Variants in LINGO2 observed in about 807,000 individuals in gnomAD.
The protein encoded by LINGO2 is leucine-rich repeat and immunoglobulin-like domain-containing nogo receptor-interacting protein 2.
Under a neutral mutation model 30.6 loss-of-function variants are expected in LINGO2, and 14 were observed. The observed-to-expected ratio is 0.46, with a 90% CI of 0.30 to 0.72. The LOEUF (loss-of-function observed/expected upper bound fraction) is 0.72. Ranked by LOEUF, LINGO2 falls within the 30% of genes least tolerant of loss-of-function variation. LINGO2 has a pLI of 0.07. For missense variants in LINGO2, 729 were observed against 751.7 expected (o/e 0.97, Z 0.35); for synonymous variants, 317 against 288.5 (o/e 1.10, Z -1.00).
chr9:28,184,673 G>A (rs1819479627), intron 4 of LINGO2, among the ~76,000 whole-genome samples: 1 of 152,214 alleles, frequency 6.6e-6, no homozygotes, highest in African/African-American at 2.4e-5. Flanking sequence ...GACAGAAAGA[G>A]ACAGAGAGAG....
intron 4 of LINGO2, among the ~76,000 whole-genome samples, chr9:28,266,305 G>A (rs1367511268): frequency 1.3e-5 from 2 of 151,932 alleles, no homozygotes; most frequent in East Asian, 3.9e-4. Flanking sequence ...GTTTCACAAA[G>A]AAAGAACTTC....
intron 4 of LINGO2, among the ~76,000 whole-genome samples, chr9:28,028,262 C>T (rs977497503): frequency 6.6e-6 from 1 of 152,154 alleles, no homozygotes; most frequent in African/African-American, 2.4e-5. Context: ...AGACTTTTAA[C>T]ATAGCTTTTC....
chr9:28,548,391 C>G (rs931586538), intron 1 of LINGO2, among the ~76,000 whole-genome samples: 4 of 151,970 alleles, frequency 2.6e-5, no homozygotes, highest in Non-Finnish European at 4.4e-5. Context: ...TACCTGAACA[C>G]CACATTACAT....
the LINGO2 span, among the ~76,000 whole-genome samples, chr9:28,767,393 C>G: frequency 1.3e-5 from 2 of 151,924 alleles, no homozygotes; most frequent in Non-Finnish European, 2.9e-5. Flanking sequence ...AAAATGCTGC[C>G]CTGACATTTA....
At chr9:28,782,810 T>G in the LINGO2 span, among the ~76,000 whole-genome samples, 1 of 152,156 alleles carries the variant, frequency 6.6e-6, no homozygotes, top group Non-Finnish European at 1.5e-5. Flanking sequence ...AAGGAAACAT[T>G]CTGAGAAATG....
chr9:28,912,750 G>A, the LINGO2 span, among the ~76,000 whole-genome samples: 1 of 152,136 alleles, frequency 6.6e-6, no homozygotes, highest in African/African-American at 2.4e-5. Context: ...TGTATAAGGT[G>A]TTCCTTAAAT....
At chr9:28,917,965 G>C in the LINGO2 span, among the ~76,000 whole-genome samples, 1 of 151,974 alleles carries the variant, frequency 6.6e-6, no homozygotes, top group East Asian at 2.0e-4. Context: ...CAGTGCTAGC[G>C]GCCTACACAA....
At chr9:28,990,033 C>A in the LINGO2 span, among the ~76,000 whole-genome samples, 1 of 152,210 alleles carries the variant, frequency 6.6e-6, no homozygotes, top group Admixed American at 6.5e-5. Flanking sequence ...GAGCACCAGA[C>A]AGTGGGCGCA....
chr9:28,164,012 C>G (rs1041111251), intron 4 of LINGO2, among the ~76,000 whole-genome samples: 1 of 152,120 alleles, frequency 6.6e-6, no homozygotes, highest in Non-Finnish European at 1.5e-5. Context: ...GCAATTTTAT[C>G]TAAAGTCAAA....
chr9:29,158,088 C>A, the LINGO2 span, among the ~76,000 whole-genome samples: 67,461 of 151,704 alleles, frequency 0.44, 15,060 homozygotes, highest in African/African-American at 0.51. Flanking sequence ...CATGCCTATA[C>A]TCCCAGAACT....
At chr9:29,128,786 T>C in the LINGO2 span, among the ~76,000 whole-genome samples, 59 of 152,202 alleles carry the variant, frequency 3.9e-4, no homozygotes, top group East Asian at 0.01. Flanking sequence ...TCTTTGTTTG[T>C]GTGTGTATAT....
At chr9:28,658,443 T>TA (rs1828453325) in intron 1 of LINGO2, among the ~76,000 whole-genome samples, 1 of 152,106 alleles carries the variant, frequency 6.6e-6, no homozygotes, top group African/African-American at 2.4e-5. Context: ...TATATCTTTA[T>TA]AATTATTACA....
intron 4 of LINGO2, among the ~76,000 whole-genome samples, chr9:28,041,205 T>C (rs1412967469): frequency 6.6e-6 from 1 of 152,150 alleles, no homozygotes; most frequent in Non-Finnish European, 1.5e-5. Flanking sequence ...CCTCATAAAC[T>C]GTTTTCTCAG....
the LINGO2 span, among the ~76,000 whole-genome samples, chr9:29,190,107 T>C: frequency 6.6e-6 from 1 of 151,904 alleles, no homozygotes; most frequent in Admixed American, 6.6e-5. Flanking sequence ...CTTAATCAGT[T>C]TCATTATCAA....
chr9:27,999,248 G>A (rs945178463), intron 5 of LINGO2, among the ~76,000 whole-genome samples: 1 of 151,946 alleles, frequency 6.6e-6, no homozygotes, highest in African/African-American at 2.4e-5. Flanking sequence ...AAGCCAAGAG[G>A]GTTTAGGAAG....
At chr9:28,895,129 G>C in the LINGO2 span, among the ~76,000 whole-genome samples, 2 of 151,976 alleles carry the variant, frequency 1.3e-5, no homozygotes, top group Non-Finnish European at 2.9e-5. Context: ...AAACTTCATA[G>C]GTCAAATACT....
At position 28,641,636 on chromosome 9, in the gene LINGO2, A is replaced by C. The variant is rs60158037; in HGVS notation, c.-365+28564T>G. On this transcript the variant is annotated intron_variant, in intron 1 of 5. Transcript: ENST00000379992. ...CTGACCTGATTTCACACATATTTGC[A>C]GTCAGCAATATCATGGAGATTTTTC... Among the ~76,000 whole-genome samples, 474 of 152,310 alleles carry C rather than the reference A, an allele frequency of 3.1e-3. 3 individuals carry two copies. Among genetic ancestry groups the C allele is most frequent in the African/African-American group, 0.011 (442 of 41,580 alleles).
chr9:29,140,266 G>A, the LINGO2 span, among the ~76,000 whole-genome samples: 1 of 151,792 alleles, frequency 6.6e-6, no homozygotes, highest in African/African-American at 2.4e-5. Context: ...TCTAACAAAG[G>A]ATTCAAAATA....
chr9:29,067,688 A>C, the LINGO2 span, among the ~76,000 whole-genome samples: 1 of 151,404 alleles, frequency 6.6e-6, no homozygotes. Flanking sequence ...AAATAATTCA[A>C]GAGAGGCAGG....
Sources: gnomAD v4.1 joint callset for allele counts (sites outside exome capture counted in the v4.1 genomes callset) on GRCh38, gnomAD v4.1.1 for gene constraint, MANE v1.5 for transcripts, NCBI Gene and HGNC (gene_info 2026-07-23, HGNC 2026-07-21) for gene names.